The following STAC variants were observed in gnomAD, a reference collection of about 807,000 sequenced individuals.
The protein encoded by STAC is SH3 and cysteine-rich domain-containing protein.
STAC carries 43 observed loss-of-function variants against 48.8 expected under a neutral mutation model. The observed-to-expected ratio is 0.88, with a 90% CI of 0.69 to 1.14. The LOEUF (loss-of-function observed/expected upper bound fraction) is 1.14, where lower values mean the gene tolerates loss of function less well. Ranked by LOEUF, STAC falls within the 50% of genes most tolerant of loss-of-function variation. The pLI, the probability that STAC is intolerant of heterozygous loss-of-function variation, is 0.00. For synonymous variants in STAC, 193 were observed against 179.5 expected (o/e 1.07, Z -0.60); for missense variants, 497 against 504.0 (o/e 0.99, Z 0.13).
At chr3:36,454,744 A>T (rs1436943047) in intron 2 of STAC, among the ~76,000 whole-genome samples, 1 of 152,218 alleles carries the variant, frequency 6.6e-6, no homozygotes, top group South Asian at 2.1e-4. Flanking sequence ...GTAAGAAAAA[A>T]AAATACAGAA....
chr3:36,393,521 A>G (rs1311472491), intron 1 of STAC, among the ~76,000 whole-genome samples: 1 of 151,914 alleles, frequency 6.6e-6, no homozygotes, highest in East Asian at 1.9e-4. Flanking sequence ...TATGGGCTGA[A>G]TATGTGTGCC....
chr3:36,510,024 A>G (rs1340321985), intron 8 of STAC, among the ~76,000 whole-genome samples: 1 of 152,148 alleles, frequency 6.6e-6, no homozygotes, highest in Non-Finnish European at 1.5e-5. Flanking sequence ...TGAATAGGCA[A>G]CCTACAGAAT....
At chr3:36,536,517 T>C (rs556612414) in intron 10 of STAC, among the ~76,000 whole-genome samples, 15 of 152,244 alleles carry the variant, frequency 9.9e-5, no homozygotes, top group African/African-American at 3.1e-4. Flanking sequence ...ATTTAATAAA[T>C]GGTGCTTGGG....
At position 36,546,287 on chromosome 3, in the gene STAC, T is replaced by A; in HGVS notation, c.1207T>A (p.Ter403ArgextTer46). The A allele has an allele frequency of 1.9e-6, 3 of 1,613,682 alleles. No homozygotes were observed. The South Asian group carries it at 3.3e-5, about 18-fold the overall frequency. Residue 403 changes from the stop codon to arginine (R), a stop_lost, in exon 11 of 11, where the codon TGA becomes AGA. Coordinates refer to ENST00000273183, the MANE Select transcript of STAC (RefSeq NM_003149.3). ...LIPLDVLENI[*>R] ...CCCCCTTGATGTACTAGAAAACATC[T>A]GATTGCTGGCTCCTCCTCCGTTTGC...
Position 36,380,631 on chromosome 3 carries a change from C to G in STAC, c.-13C>G. ...TTCCTCCGGGAGCCCAACACCGTTC[C>G]CGCGCGGCCACGATGATCCCTCCGA... On this transcript the variant is annotated 5_prime_UTR_variant, in exon 1 of 11. Coordinates refer to ENST00000273183, the MANE Select transcript of STAC (RefSeq NM_003149.3). The G allele has an allele frequency of 1.3e-6, 2 of 1,570,566 alleles. No homozygotes were observed. The highest frequency in any genetic ancestry group is 1.7e-6 in the Non-Finnish European group (2 of 1,156,198).
intron 2 of STAC, among the ~76,000 whole-genome samples, chr3:36,477,861 G>A (rs116486567): frequency 0.03 from 4,611 of 152,196 alleles, 95 homozygotes; most frequent in Non-Finnish European, 0.043. Flanking sequence ...CAACATCTCC[G>A]TATCCAAAGA....
intron 1 of STAC, among the ~76,000 whole-genome samples, chr3:36,400,264 A>C (rs529565134): frequency 6.6e-6 from 1 of 152,332 alleles, no homozygotes; most frequent in African/African-American, 2.4e-5. Flanking sequence ...GAAATATATA[A>C]ATAGACACAC....
intron 1 of STAC, among the ~76,000 whole-genome samples, chr3:36,429,580 C>T (rs6774421): frequency 0.086 from 13,128 of 152,166 alleles, 631 homozygotes; most frequent in African/African-American, 0.13. Context: ...CCCTGGGCCA[C>T]CTCAAGCCTA....
intron 2 of STAC, among the ~76,000 whole-genome samples, chr3:36,474,202 C>A (rs537523103): frequency 3.1e-4 from 47 of 152,196 alleles, no homozygotes; most frequent in African/African-American, 1.1e-3. Flanking sequence ...CTATGAGACC[C>A]CATATGTAAC....
At chr3:36,413,413 C>T (rs913149264) in intron 1 of STAC, among the ~76,000 whole-genome samples, 6 of 152,168 alleles carry the variant, frequency 3.9e-5, no homozygotes, top group Admixed American at 2.6e-4. Flanking sequence ...GAATTGATCC[C>T]TTTACCATTA....
chr3:36,535,905 TC>T (rs982710833), intron 10 of STAC, among the ~76,000 whole-genome samples: 7 of 152,216 alleles, frequency 4.6e-5, no homozygotes, highest in African/African-American at 1.7e-4. Context: ...TCGATCTTCA[TC>T]AGGGATATTG....
At chr3:36,456,214 A>G (rs1158109737) in intron 2 of STAC, among the ~76,000 whole-genome samples, 1 of 152,142 alleles carries the variant, frequency 6.6e-6, no homozygotes, top group Non-Finnish European at 1.5e-5. Context: ...TTCATTTATA[A>G]TGTCATAAAG....
intron 3 of STAC, among the ~76,000 whole-genome samples, chr3:36,484,126 T>C (rs758499943): frequency 6.6e-6 from 1 of 152,138 alleles, no homozygotes; most frequent in Non-Finnish European, 1.5e-5. Context: ...CCATTGTCCT[T>C]TGAGGCTCCT....
intron 1 of STAC, among the ~76,000 whole-genome samples, chr3:36,432,406 A>C (rs1230312693): frequency 3.9e-5 from 6 of 152,202 alleles, no homozygotes; most frequent in African/African-American, 1.4e-4. Flanking sequence ...GGGAGCCTTA[A>C]AACTTTTGCT....
chr3:36,472,155 C>A (rs1339791989), intron 2 of STAC, among the ~76,000 whole-genome samples: 1 of 152,266 alleles, frequency 6.6e-6, no homozygotes, highest in Admixed American at 6.5e-5. Flanking sequence ...AGGCTCAACA[C>A]CACATAGAAG....
chr3:36,538,569 G>A lies in STAC; in HGVS notation c.1111-7622G>A, dbSNP rs141789407. 5.3e-5 allele frequency among the ~76,000 whole-genome samples: 8 copies of A among 152,238 alleles called. No individual in the cohort carries two copies. The East Asian group carries it at 1.5e-3, about 29-fold the overall frequency. ...ACAGATCAAGACGTGTACAATTCTTGATGCATACTGCCAAATTGCATTCAG... is the reference window on the plus strand; with the variant it reads ...ACAGATCAAGACGTGTACAATTCTTAATGCATACTGCCAAATTGCATTCAG... On this transcript the variant is annotated intron_variant, in intron 10 of 10. Transcript: ENST00000273183.
chr3:36,504,332 G>A (rs935017889), intron 6 of STAC, 61 bp from the exon 7 acceptor site: 2 of 1,440,298 alleles, frequency 1.4e-6, no homozygotes, highest in Non-Finnish European at 1.9e-6. Context: ...CATCTTTCAG[G>A]AATATTTGTT....
In STAC at chr3:36,481,619, T is replaced by A. The variant is rs1378434242; in HGVS notation, c.389-1373T>A. Among the ~76,000 whole-genome samples, 5 of 152,272 alleles carry A rather than the reference T, an allele frequency of 3.3e-5. No individual in the cohort carries two copies. In the East Asian group the frequency reaches 9.7e-4, roughly 29 times the overall value. On this transcript the variant is annotated intron_variant, in intron 2 of 10. Transcript: ENST00000273183. ...TCTAAAGAGACTTACTTTGTTGAAATCCTGTTGTCTCTCCAGGTTGTCATC... is the reference window on the plus strand; with the variant it reads ...TCTAAAGAGACTTACTTTGTTGAAAACCTGTTGTCTCTCCAGGTTGTCATC...
chr3:36,511,606 G>A (rs2125717662), intron 8 of STAC, among the ~76,000 whole-genome samples: 1 of 152,266 alleles, frequency 6.6e-6, no homozygotes, highest in East Asian at 1.9e-4. Flanking sequence ...CCAGAGCATT[G>A]GGAAAATAGA....
Sources: gnomAD v4.1 joint callset for allele counts (sites outside exome capture counted in the v4.1 genomes callset) on GRCh38, gnomAD v4.1.1 for gene constraint, MANE v1.5 for transcripts, NCBI Gene and HGNC (gene_info 2026-07-23, HGNC 2026-07-21) for gene names.